CEP164: variants seen among roughly 807,000 people sequenced by gnomAD.
CEP164 encodes the protein centrosomal protein 164.
CEP164 carries 162 observed loss-of-function variants against 182.7 expected under a neutral mutation model. That is an observed-to-expected ratio of 0.89 (90% confidence interval 0.78 to 1.01). The LOEUF (loss-of-function observed/expected upper bound fraction) is 1.01. Among genes scored for constraint, CEP164 ranks in the 50% least tolerant of loss-of-function variants. The pLI is 0.00. For synonymous variants in CEP164, 661 were observed against 690.0 expected, an observed-to-expected ratio of 0.96 and a Z score of 0.66; for missense variants, 1,735 against 1,790.4, an observed-to-expected ratio of 0.97 and a Z score of 0.56.
Position 117,407,953 on chromosome 11 carries a change from C to A in CEP164, c.3530C>A (p.Ser1177Ter). 1 of 1,599,404 alleles carries A rather than the reference C, an allele frequency of 6.3e-7. No individual in the cohort carries two copies. Among genetic ancestry groups the A allele is most frequent in the South Asian group, 1.1e-5 (1 of 87,826 alleles). Residue 1177 changes from serine (S) to a stop codon, truncating the protein, a stop_gained, in exon 28 of 33, where the codon TCG becomes TAG. Coordinates refer to ENST00000278935, the MANE Select transcript of CEP164 (RefSeq NM_014956.5). LOFTEE classifies it high-confidence loss of function. ...KETRHLDEMK[S>*]AMRKGHNLLK... ...ACCAGGCACCTGGATGAGATGAAGT[C>A]GGCCATGCGGAAAGGCCACAACCTG... is the stretch of plus-strand genomic sequence containing the variant.
chr11:117,343,026 C>G (rs1432277179), intron 3 of CEP164, among the ~76,000 whole-genome samples: 1 of 152,082 alleles, frequency 6.6e-6, no homozygotes, highest in Non-Finnish European at 1.5e-5. Context: ...TAGGCACATG[C>G]CACCATGCTA....
In CEP164 at chr11:117,409,295, G is replaced by A. The variant is rs918155022; in HGVS notation, c.3748+267G>A. On this transcript the variant is annotated intron_variant, in intron 29 of 32. Coordinates refer to ENST00000278935, the MANE Select transcript of CEP164 (RefSeq NM_014956.5). The surrounding 1 kb of genome is among the most constrained non-coding windows in gnomAD (Gnocchi z 4.4). ...GCCTTGCTGGCCTCTTCTCTTCCAG[G>A]GCCTCCTTGAGGAGGCTTTTCTCTC... 4 of 579,704 alleles carry A rather than the reference G, an allele frequency of 6.9e-6. No individual in the cohort carries two copies. The highest frequency in any genetic ancestry group is 1.2e-5 in the Non-Finnish European group (4 of 328,616). The allele number at this position is 579,704 out of a possible 1,614,324, so 35.9% of individuals were successfully genotyped here.
In CEP164 at chr11:117,382,956, TTG is replaced by T. The variant is rs2136168451; in HGVS notation, c.1724+20_1724+21del. The T allele has an allele frequency of 6.2e-7, 1 of 1,610,714 alleles. No individual in the cohort carries two copies. Among genetic ancestry groups the T allele is most frequent in the Non-Finnish European group, 8.5e-7 (1 of 1,178,588 alleles). The stretch of plus-strand genomic sequence containing the variant: ...CTCTCCAGAGGTGTAAGGGCCAGTT[TTG>T]TGTGTCTGTCCCTGACCTCCACTGC... On this transcript the variant is annotated intron_variant, in intron 14 of 32. Transcript: ENST00000278935.
chr11:117,412,117 C>T lies in CEP164; in HGVS notation c.4332C>T (p.Leu1444=). 1 of 1,614,212 alleles carries T rather than the reference C, an allele frequency of 6.2e-7. No homozygotes were observed. Among genetic ancestry groups the T allele is most frequent in the South Asian group, 1.1e-5 (1 of 91,086 alleles). The change falls in exon 33 of 33, where the codon CTC becomes CTT. Residue 1444 remains leucine (L), a synonymous_variant. Coordinates refer to ENST00000278935, the MANE Select transcript of CEP164 (RefSeq NM_014956.5). ...STPKPKATLS[L]LQLGLDEHNR... ...CCAAGCCAAAAGCTACTTTGAGCCT[C>T]CTGCAGCTGGGCCTTGATGAGCACA...
rs1041526136 is a variant in CEP164, at chr11:117,393,089, A to G, written c.2579A>G (p.Gln860Arg). 6.2e-7 allele frequency: 1 copy of G among 1,613,536 alleles called. No individual in the cohort carries two copies. The highest frequency in any genetic ancestry group is 8.5e-7 in the Non-Finnish European group (1 of 1,179,842). ...RLDKMKEEHQ[Q>R]VMAKAREQYE... is the part of the protein sequence containing the mutation. ...GACAAGATGAAGGAGGAGCACCAGCAAGTGATGGCTAAGGCCAGAGAGCAG... is the reference window on the plus strand; with the variant it reads ...GACAAGATGAAGGAGGAGCACCAGCGAGTGATGGCTAAGGCCAGAGAGCAG... The change falls in exon 20 of 33, where the codon CAA (glutamine) becomes CGA (arginine). Residue 860 changes from glutamine (Q) to arginine (R), a missense_variant. By Grantham distance (43) the Gln-to-Arg change is conservative. Transcript: ENST00000278935.
chr11:117,393,916 C>G (rs1445051160), intron 20 of CEP164, among the ~76,000 whole-genome samples: 1 of 152,186 alleles, frequency 6.6e-6, no homozygotes, highest in Non-Finnish European at 1.5e-5. Context: ...GACTACTGCT[C>G]CAGTAACTGG....
intron 6 of CEP164, 28 bp downstream of exon 6, chr11:117,362,021 C>T: frequency 1.3e-6 from 2 of 1,528,436 alleles, no homozygotes; most frequent in Non-Finnish European, 8.8e-7. Context: ...CGTTCAGTGT[C>T]TGTAGTTCCT....
chr11:117,401,084 T>C (rs1011291583), intron 27 of CEP164, among the ~76,000 whole-genome samples: 1 of 152,208 alleles, frequency 6.6e-6, no homozygotes, highest in Non-Finnish European at 1.5e-5. Flanking sequence ...AGGGAATGCT[T>C]CCAGTTTTTG....
rs1461983734 is a variant in CEP164, at chr11:117,412,099, A to G, written c.4314A>G (p.Pro1438=). 7 of 1,613,950 alleles carry G rather than the reference A, an allele frequency of 4.3e-6. No homozygotes were observed. Among genetic ancestry groups the G allele is most frequent in the East Asian group, 4.5e-5 (2 of 44,866 alleles). The part of the protein sequence containing the change: ...RLPLFSSTPK[P]KATLSLLQLG... ...CTCTCTTCTCGTCAACACCCAAGCC[A>G]AAAGCTACTTTGAGCCTCCTGCAGC... is the stretch of plus-strand genomic sequence containing the variant. The change falls in exon 33 of 33, where the codon CCA becomes CCG. Residue 1438 remains proline (P), a synonymous_variant. Transcript: ENST00000278935.
At chr11:117,392,681 C>T in intron 19 of CEP164, 54 bp downstream of exon 19, 1 of 1,589,364 alleles carries the variant, frequency 6.3e-7, no homozygotes. Context: ...GACTCTCTTA[C>T]AGTCAGCTGA....
At chr11:117,378,786 G>A (rs1452667010) in intron 11 of CEP164, among the ~76,000 whole-genome samples, 1 of 152,130 alleles carries the variant, frequency 6.6e-6, no homozygotes, top group African/African-American at 2.4e-5. Context: ...TGTCAGTGGG[G>A]GATAGTTCAG....
rs1764218386 is a variant in CEP164, at chr11:117,382,903, AG to A, written c.1687del (p.Val563TrpfsTer30). ...GAAGAGGCAGAGGATCCTGAGGAGA[AG>A]GTGGCGGTCAGCCCCACCCCGCCAG... ...GQEEAEDPEE[K>X]VAVSPTPPVS... On this transcript the variant is annotated frameshift_variant, in exon 14 of 33. Transcript: ENST00000278935. LOFTEE classifies it high-confidence loss of function. 1 of 1,613,224 alleles carries A rather than the reference AG, an allele frequency of 6.2e-7. No individual in the cohort carries two copies. Among genetic ancestry groups the A allele is most frequent in the Non-Finnish European group, 8.5e-7 (1 of 1,179,940 alleles).
chr11:117,387,361 A>T lies in CEP164; in HGVS notation c.1883A>T (p.Glu628Val). The change falls in exon 15 of 33, where the codon GAG becomes GTG. Residue 628 changes from glutamate (E) to valine (V), a missense_variant. Coordinates refer to ENST00000278935, the MANE Select transcript of CEP164 (RefSeq NM_014956.5). ...CAACTGCGGGAGAAGCTGTGCCAAG[A>T]GGAGGAAGAGGAGATCCTCCGGCTT... ...MQQLREKLCQ[E>V]EEEEILRLHQ... 9 of 1,614,170 alleles carry T rather than the reference A, an allele frequency of 5.6e-6. No homozygotes were observed. Among genetic ancestry groups the T allele is most frequent in the Non-Finnish European group, 5.9e-6 (7 of 1,180,036 alleles).
intron 1 of CEP164, among the ~76,000 whole-genome samples, chr11:117,322,422 G>A (rs1036149903): frequency 6.6e-6 from 1 of 152,058 alleles, no homozygotes; most frequent in African/African-American, 2.4e-5. Context: ...CCCACATTAT[G>A]CATTTATAAT....
intron 8 of CEP164, among the ~76,000 whole-genome samples, chr11:117,368,496 G>C (rs555502781): frequency 1.5e-4 from 23 of 152,232 alleles, no homozygotes; most frequent in African/African-American, 4.8e-4. Flanking sequence ...CTTTGCCCTC[G>C]CATCTAAGGT....
At chr11:117,395,822 G>A in intron 24 of CEP164, 100 bp downstream of exon 24, 1 of 1,401,160 alleles carries the variant, frequency 7.1e-7, no homozygotes, top group Non-Finnish European at 9.7e-7. Flanking sequence ...GAGAGGTGGA[G>A]TCCCAGCTTG....
At chr11:117,387,494 C>A in intron 15 of CEP164, 82 bp downstream of exon 15, 1 of 1,353,696 alleles carries the variant, frequency 7.4e-7, no homozygotes, top group Non-Finnish European at 1.0e-6. Flanking sequence ...GCCTGGGGAC[C>A]ACTGGGATGC....
chr11:117,349,955 A>G (rs1192663688), intron 4 of CEP164, among the ~76,000 whole-genome samples: 1 of 151,822 alleles, frequency 6.6e-6, no homozygotes, highest in Non-Finnish European at 1.5e-5. Flanking sequence ...TTGTATTTTT[A>G]GTAGAGACGG....
In CEP164 at chr11:117,371,046, G is replaced by A; in HGVS notation, c.766-34G>A. 2.6e-6 allele frequency: 4 copies of A among 1,531,528 alleles called. 1 individual carries two copies. Among genetic ancestry groups the A allele is most frequent in the Non-Finnish European group, 3.5e-6 (4 of 1,140,598 alleles). The allele number at this position is 1,531,528 out of a possible 1,614,324, so 94.9% of individuals were successfully genotyped here. On this transcript the variant is annotated intron_variant, in intron 8 of 32. Transcript: ENST00000278935. ...TCAACTCCTTTTGCACATTCCTTTT[G>A]TCTTCCTTTCTAACATGGTCTGTTG... is the stretch of plus-strand genomic sequence containing the variant.
Sources: gnomAD v4.1 joint callset for allele counts (sites outside exome capture counted in the v4.1 genomes callset) on GRCh38, gnomAD v4.1.1 for gene constraint, Gnocchi (gnomAD v3.1) non-coding constraint, MANE v1.5 for transcripts, NCBI Gene and HGNC (gene_info 2026-07-23, HGNC 2026-07-21) for gene names.